EBPL: variants seen among roughly 807,000 people sequenced by gnomAD.
EBPL encodes EBP like.
A neutral mutation model predicts 19.0 loss-of-function variants in EBPL; 20 were observed. The observed-to-expected ratio is 1.05, with a 90% CI of 0.74 to 1.53. The LOEUF is 1.53. EBPL is among the 40% of genes most tolerant of loss of function. EBPL has a pLI of 0.00. For synonymous variants in EBPL, 107 were observed against 117.0 expected (o/e 0.91, Z 0.55); for missense variants, 219 against 261.1 (o/e 0.84, Z 1.11).
chr13:49,678,310 C>T (rs1445279569), intron 1 of EBPL, among the ~76,000 whole-genome samples: 1 of 152,230 alleles, frequency 6.6e-6, no homozygotes, highest in African/African-American at 2.4e-5. Flanking sequence ...CAGAGCTACC[C>T]GCCAGTCCTG....
At chr13:49,664,899 G>A (rs1367660882) in intron 2 of EBPL, among the ~76,000 whole-genome samples, 1 of 152,076 alleles carries the variant, frequency 6.6e-6, no homozygotes, top group Non-Finnish European at 1.5e-5. Context: ...AGAGGCCACC[G>A]AGAGTCATCA....
At position 49,668,389 on chromosome 13, in the gene EBPL, T is replaced by C. The variant is rs180838292; in HGVS notation, c.241+1388A>G. ...GAGATCGAGACCATCCTGGCTAACA[T>C]GGTGAAACCCCGTCTCTACTAAAAA... On this transcript the variant is annotated intron_variant, in intron 2 of 3. Transcript: ENST00000242827. 2,038 of 231,380 alleles carry C rather than the reference T, an allele frequency of 8.8e-3. 40 individuals are homozygous for C. Among genetic ancestry groups the C allele is most frequent in the East Asian group, 0.077 (455 of 5,944 alleles). The allele number at this position is 231,380 out of a possible 1,614,324, so 14.3% of individuals were successfully genotyped here. A position where few individuals can be genotyped will look rare whatever the true frequency, so the allele number is the denominator to read the frequency against.
At chr13:49,665,418 C>T (rs1225079145) in intron 2 of EBPL, among the ~76,000 whole-genome samples, 1 of 152,224 alleles carries the variant, frequency 6.6e-6, no homozygotes, top group Admixed American at 6.5e-5. Context: ...ATTATAGGCA[C>T]TCACCACCAT....
chr13:49,661,814 A>G (rs531483975), intron 3 of EBPL: 117 of 1,541,314 alleles, frequency 7.6e-5, no homozygotes, highest in Admixed American at 6.2e-4. Context: ...GAAGCTTTAA[A>G]TAAGACTTCT....
rs1965156155 is a variant in EBPL at position 49,661,944 on chromosome 13, A to G, written c.381-736T>C. On this transcript the variant is annotated intron_variant, in intron 3 of 3. Coordinates refer to ENST00000242827, the MANE Select transcript of EBPL (RefSeq NM_032565.5). ...ACTCTGTCCCTAAGGAAAGAAAAGG[A>G]AGGAAGGGAGGAGAGTTTATAGTCT... is the stretch of plus-strand genomic sequence containing the variant. 5.2e-6 allele frequency: 8 copies of G among 1,544,916 alleles called. No individual in the cohort carries two copies. The East Asian group carries it at 9.8e-5, about 19-fold the overall frequency.
At chr13:49,664,445 T>G (rs1965197507) in intron 2 of EBPL, among the ~76,000 whole-genome samples, 1 of 152,112 alleles carries the variant, frequency 6.6e-6, no homozygotes, top group Non-Finnish European at 1.5e-5. Context: ...GCCAGTGTGC[T>G]CTCAGAGATC....
At chr13:49,685,856 G>A (rs1953991033) in intron 1 of EBPL, among the ~76,000 whole-genome samples, 1 of 151,340 alleles carries the variant, frequency 6.6e-6, no homozygotes, top group Non-Finnish European at 1.5e-5. Flanking sequence ...CTGGGCGAGA[G>A]AGAGAGAGAA....
At chr13:49,689,283 A>C (rs1032366185) in intron 1 of EBPL, among the ~76,000 whole-genome samples, 2 of 152,210 alleles carry the variant, frequency 1.3e-5, no homozygotes, top group African/African-American at 4.8e-5. Context: ...TCTTAAACCA[A>C]GTGGTGAACA....
chr13:49,678,041 C>G (rs1953896306), intron 1 of EBPL, among the ~76,000 whole-genome samples: 3 of 152,134 alleles, frequency 2.0e-5, no homozygotes, highest in East Asian at 1.9e-4. Flanking sequence ...AAGCCGGTTG[C>G]CGGGGCTGGC....
intron 3 of EBPL, among the ~76,000 whole-genome samples, chr13:49,662,735 T>C (rs1310218031): frequency 1.3e-5 from 2 of 152,010 alleles, no homozygotes; most frequent in African/African-American, 2.4e-5. Context: ...TAAGCCCAAG[T>C]GATCCTCCCA....
Position 49,661,005 on chromosome 13 carries a change from T to C in EBPL, c.584A>G (p.His195Arg). 1 of 1,614,006 alleles carries C rather than the reference T, an allele frequency of 6.2e-7. No homozygotes were observed. ...WQSWLELKKM[H>R]QKETSSVKKF... ...CTTCACTGAACTGGTTTCTTTCTGATGCATTTTCTTGAGTTCTAGCCATGA... is the reference window on the plus strand; with the variant it reads ...CTTCACTGAACTGGTTTCTTTCTGACGCATTTTCTTGAGTTCTAGCCATGA... The change falls in exon 4 of 4, where the codon CAT becomes CGT. Residue 195 changes from histidine (H) to arginine (R), a missense_variant. His to Arg is a conservative substitution (Grantham distance 29). This residue lies in a region of EBPL where 49 missense variants were observed against 94.1 expected (regional missense o/e 0.52). Transcript: ENST00000242827.
At chr13:49,670,139 A>G (rs1433396410) in intron 1 of EBPL, among the ~76,000 whole-genome samples, 1 of 152,214 alleles carries the variant, frequency 6.6e-6, no homozygotes, top group Non-Finnish European at 1.5e-5. Context: ...TTTTTGCATA[A>G]GAGTTTAACT....
rs377028738 is a variant in EBPL at position 49,685,691 on chromosome 13, G to A, written c.171+5563C>T. On this transcript the variant is annotated intron_variant, in intron 1 of 3. Transcript: ENST00000242827. ...AGTTCGAAACCAGCCTGACCAACATGGTGAAACCGTGTCTCTACTAAAAAT... is the reference window on the plus strand; with the variant it reads ...AGTTCGAAACCAGCCTGACCAACATAGTGAAACCGTGTCTCTACTAAAAAT... Among the ~76,000 whole-genome samples the A allele has an allele frequency of 2.7e-4, 41 of 152,182 alleles. No homozygotes were observed. The South Asian group carries it at 8.1e-3, about 30-fold the overall frequency.
chr13:49,677,937 C>G (rs1034431932), intron 1 of EBPL, among the ~76,000 whole-genome samples: 2 of 152,196 alleles, frequency 1.3e-5, no homozygotes, highest in African/African-American at 2.4e-5. Flanking sequence ...AGTGTTACAG[C>G]TCACAAAGGC....
At chr13:49,686,402 C>G (rs1953998525) in intron 1 of EBPL, 35 of 1,234,824 alleles carry the variant, frequency 2.8e-5, no homozygotes, top group Non-Finnish European at 3.6e-5. Context: ...GGCCTATAAG[C>G]CTTTGGCTTC....
chr13:49,680,401 A>G (rs1299100698), intron 1 of EBPL, among the ~76,000 whole-genome samples: 1 of 152,194 alleles, frequency 6.6e-6, no homozygotes, highest in Non-Finnish European at 1.5e-5. Flanking sequence ...AAAGGGAGGG[A>G]GAGAAGGACA....
At chr13:49,672,987 A>T (rs751219945) in intron 1 of EBPL, among the ~76,000 whole-genome samples, 1 of 152,152 alleles carries the variant, frequency 6.6e-6, no homozygotes, top group Non-Finnish European at 1.5e-5. Flanking sequence ...TTGAACCGGG[A>T]GGCAGAGATT....
intron 1 of EBPL, among the ~76,000 whole-genome samples, chr13:49,688,711 TC>T (rs1472321189): frequency 1.8e-5 from 2 of 108,450 alleles, no homozygotes; most frequent in Non-Finnish European, 3.4e-5. Flanking sequence ...AGAGCGAGAC[TC>T]CGTCTCAAAA....
chr13:49,666,167 G>C (rs1965224746), intron 2 of EBPL, among the ~76,000 whole-genome samples: 1 of 152,196 alleles, frequency 6.6e-6, no homozygotes, highest in Non-Finnish European at 1.5e-5. Context: ...GGAGGGGGTG[G>C]GATGAGCCCT....
Sources: allele counts gnomAD v4.1 joint callset (sites outside exome capture counted in the v4.1 genomes callset), GRCh38; gene constraint gnomAD v4.1.1; regional missense constraint gnomAD v4.1.1; transcripts MANE v1.5; gene names NCBI Gene and HGNC (gene_info 2026-07-23, HGNC 2026-07-21).